USP48: variants seen among roughly 807,000 people sequenced by gnomAD.
The protein encoded by USP48 is ubiquitin carboxyl-terminal hydrolase 48.
A neutral mutation model predicts 150.7 loss-of-function variants in USP48; 43 were observed. That is an observed-to-expected ratio of 0.29 (90% confidence interval 0.22 to 0.37). The LOEUF (loss-of-function observed/expected upper bound fraction) is 0.37, where lower values mean the gene tolerates loss of function less well. USP48 is among the 10% of genes least tolerant of loss of function. USP48 has a pLI of 1.00. For synonymous variants in USP48, 396 were observed against 425.9 expected (o/e 0.93, Z 0.86); for missense variants, 813 against 1,249.6 (o/e 0.65, Z 5.27).
intron 1 of USP48, among the ~76,000 whole-genome samples, chr1:21,774,749 C>T (rs1175893097): frequency 2.0e-5 from 3 of 151,388 alleles, no homozygotes; most frequent in African/African-American, 4.9e-5. Flanking sequence ...CTCAACACTT[C>T]GGGAGGCTGA....
At chr1:21,697,334 A>C (rs2097637584) in intron 22 of USP48, among the ~76,000 whole-genome samples, 1 of 151,966 alleles carries the variant, frequency 6.6e-6, no homozygotes, top group Admixed American at 6.6e-5. Flanking sequence ...AAAAAATGAA[A>C]CCCGATGAAA....
intron 25 of USP48, among the ~76,000 whole-genome samples, chr1:21,682,122 A>T (rs2097567606): frequency 2.6e-5 from 4 of 152,246 alleles, no homozygotes; most frequent in African/African-American, 7.2e-5. Context: ...CTCACACAGT[A>T]TCATGGCAGA....
intron 1 of USP48, among the ~76,000 whole-genome samples, chr1:21,758,547 A>C (rs1322967125): frequency 6.6e-6 from 1 of 152,110 alleles, no homozygotes; most frequent in East Asian, 1.9e-4. Context: ...GCGGATAACA[A>C]GGTCAGGAGT....
At chr1:21,752,876 A>G in intron 4 of USP48, 116 bp downstream of exon 4, 1 of 1,373,506 alleles carries the variant, frequency 7.3e-7, no homozygotes, top group South Asian at 1.5e-5. Context: ...GTTTTCATTC[A>G]AAATAGAAAA....
chr1:21,687,003 C>T (rs548194654), intron 25 of USP48, 188 bp downstream of exon 25: 32 of 618,046 alleles, frequency 5.2e-5, no homozygotes, highest in Admixed American at 1.2e-4. Context: ...GGTTAGCTTT[C>T]CAAGTTTTTG....
At position 21,738,005 on chromosome 1, in the gene USP48, C is replaced by T. The variant is rs138415400; in HGVS notation, c.992-1380G>A. Among the ~76,000 whole-genome samples, 1,323 of 152,206 alleles carry T rather than the reference C, an allele frequency of 8.7e-3. 8 individuals carry two copies. The highest frequency in any genetic ancestry group is 0.013 in the Non-Finnish European group (917 of 68,020). ...TTCAACCTCCTGGGCTTAAACAATC[C>T]TCCCACCTCAACCTCCAGGAGTAGC... is the stretch of plus-strand genomic sequence containing the variant. On this transcript the variant is annotated intron_variant, in intron 8 of 26. Coordinates refer to ENST00000308271, the MANE Select transcript of USP48 (RefSeq NM_032236.8).
intron 3 of USP48, among the ~76,000 whole-genome samples, chr1:21,753,803 G>A (rs534627077): frequency 7.1e-5 from 10 of 140,972 alleles, no homozygotes; most frequent in Admixed American, 5.2e-4. Context: ...CTCCAGCCTG[G>A]ATGACAGAGC....
In USP48 at chr1:21,728,638, C is replaced by T. The variant is rs758954307; in HGVS notation, c.1382G>A (p.Ser461Asn). ...GTGTTTTGCTTTTCCTTTATCCACA[C>T]TTTGCTTACGCATCTCAGCCATTTC... The part of the protein sequence containing the change: ...CIEMAEMRKQ[S>N]VDKGKAKHEE... Residue 461 changes from serine (S) to asparagine (N), a missense_variant, in exon 11 of 27, where the codon AGT becomes AAT. Coordinates refer to ENST00000308271, the MANE Select transcript of USP48 (RefSeq NM_032236.8). 3 of 1,614,204 alleles carry T rather than the reference C, an allele frequency of 1.9e-6. No individual in the cohort carries two copies. In the East Asian group the frequency reaches 6.7e-5, roughly 36 times the overall value.
At chr1:21,754,807 G>C (rs1373872906) in intron 3 of USP48, among the ~76,000 whole-genome samples, 4 of 152,146 alleles carry the variant, frequency 2.6e-5, no homozygotes, top group Non-Finnish European at 5.9e-5. Context: ...ACTCTCTCAG[G>C]TGACTCTGTA....
chr1:21,771,890 C>A (rs1022906566), intron 1 of USP48, among the ~76,000 whole-genome samples: 1 of 151,472 alleles, frequency 6.6e-6, no homozygotes. Context: ...TGCACTCCAG[C>A]CTGGGCAACA....
chr1:21,698,426 G>A (rs925384167), intron 22 of USP48, among the ~76,000 whole-genome samples: 1 of 152,132 alleles, frequency 6.6e-6, no homozygotes, highest in African/African-American at 2.4e-5. Flanking sequence ...CCACAACTAA[G>A]GAGAGTGATT....
At chr1:21,778,016 G>A (rs1405365813) in intron 1 of USP48, among the ~76,000 whole-genome samples, 55 of 149,194 alleles carry the variant, frequency 3.7e-4, no homozygotes, top group Middle Eastern at 3.2e-3. Context: ...GGCGGTGTGC[G>A]CCTGTAGTCC....
intron 10 of USP48, 98 bp from the exon 11 acceptor site, chr1:21,728,817 T>C (rs558377734): frequency 5.7e-6 from 8 of 1,406,180 alleles, no homozygotes; most frequent in Admixed American, 2.4e-5. Context: ...GATTAAAACA[T>C]TGGCAGAAAT....
chr1:21,779,104 C>T (rs1236567162), intron 1 of USP48, among the ~76,000 whole-genome samples: 1 of 151,724 alleles, frequency 6.6e-6, no homozygotes, highest in Non-Finnish European at 1.5e-5. Context: ...TAATTAGCCT[C>T]GTGTTGTGGC....
chr1:21,752,016 C>CA (rs943113295), intron 5 of USP48, among the ~76,000 whole-genome samples: 878 of 63,056 alleles, frequency 0.014, 8 homozygotes, highest in African/African-American at 0.031. Flanking sequence ...GAGTCCATCT[C>CA]AAAAAAAAAA....
At chr1:21,707,456 C>G (rs2097675975) in intron 15 of USP48, among the ~76,000 whole-genome samples, 1 of 152,166 alleles carries the variant, frequency 6.6e-6, no homozygotes, top group Non-Finnish European at 1.5e-5. Flanking sequence ...AAAACCATCT[C>G]CAGTCAAGCA....
chr1:21,706,051 C>G, intron 18 of USP48, 75 bp downstream of exon 18: 9 of 1,481,738 alleles, frequency 6.1e-6, no homozygotes, highest in Non-Finnish European at 7.5e-6. Flanking sequence ...CAAACAGAAT[C>G]CACGATATCT....
At chr1:21,706,237 A>C in intron 17 of USP48, 50 bp from the exon 18 acceptor site, 1 of 1,591,916 alleles carries the variant, frequency 6.3e-7, no homozygotes, top group Middle Eastern at 1.7e-4. Context: ...CCGCCTGCTT[A>C]ACACAAATTC....
At chr1:21,780,838 G>A (rs1457978910) in intron 1 of USP48, among the ~76,000 whole-genome samples, 1 of 148,042 alleles carries the variant, frequency 6.8e-6, no homozygotes, top group African/African-American at 2.5e-5. Flanking sequence ...CACCTCCCGG[G>A]TTCCAGGGTT....
Sources: gnomAD v4.1 joint callset for allele counts (sites outside exome capture counted in the v4.1 genomes callset) on GRCh38, gnomAD v4.1.1 for gene constraint, MANE v1.5 for transcripts, NCBI Gene and HGNC (gene_info 2026-07-23, HGNC 2026-07-21) for gene names.